TMC2: variants seen among roughly 807,000 people sequenced by gnomAD.
TMC2 encodes transmembrane channel-like protein 2.
Under a neutral mutation model 105.9 loss-of-function variants are expected in TMC2, and 102 were observed. That is an observed-to-expected ratio of 0.96 (90% CI 0.82 to 1.14). The LOEUF is 1.14. Among genes scored for constraint, TMC2 ranks in the 50% most tolerant of loss-of-function variants. TMC2 has a pLI of 0.00. For synonymous variants in TMC2, 402 were observed against 422.8 expected (o/e 0.95, Z 0.60); for missense variants, 1,093 against 1,134.3 (o/e 0.96, Z 0.52).
chr20:2,636,131 C>A, intron 18 of TMC2, 127 bp downstream of exon 18: 1 of 729,326 alleles, frequency 1.4e-6, no homozygotes, highest in Non-Finnish European at 2.4e-6. Flanking sequence ...CCCAAAATAT[C>A]TGTATTATGG....
At chr20:2,572,349 C>A in intron 5 of TMC2, 80 bp downstream of exon 5, 1 of 1,094,298 alleles carries the variant, frequency 9.1e-7, no homozygotes, top group Admixed American at 1.9e-5. Flanking sequence ...GGCAACTGCC[C>A]AGCTTCGCCA....
At chr20:2,565,896 C>T (rs955134776) in intron 4 of TMC2, among the ~76,000 whole-genome samples, 11 of 152,010 alleles carry the variant, frequency 7.2e-5, no homozygotes, top group South Asian at 4.2e-4. Context: ...AAAAGTTAGC[C>T]GGGCGTGGTG....
At chr20:2,591,777 A>G (rs1301337607) in intron 7 of TMC2, among the ~76,000 whole-genome samples, 1 of 152,098 alleles carries the variant, frequency 6.6e-6, no homozygotes, top group African/African-American at 2.4e-5. Flanking sequence ...AAAAGAAAAG[A>G]AACGCTCTTC....
chr20:2,579,883 A>G (rs1326966594), intron 6 of TMC2, 67 bp from the exon 7 acceptor site: 8 of 945,000 alleles, frequency 8.5e-6, no homozygotes, highest in Admixed American at 3.8e-5. Context: ...CCACACACAT[A>G]AAGTGCTCAA....
At chr20:2,574,900 A>ATT (rs2086132741) in intron 5 of TMC2, among the ~76,000 whole-genome samples, 1 of 151,526 alleles carries the variant, frequency 6.6e-6, no homozygotes, top group Non-Finnish European at 1.5e-5. Flanking sequence ...TAATTTTTGT[A>ATT]TTTTTAGTAG....
chr20:2,625,052 TA>T (rs2146258599), intron 17 of TMC2, among the ~76,000 whole-genome samples: 1 of 152,280 alleles, frequency 6.6e-6, no homozygotes, highest in Non-Finnish European at 1.5e-5. Context: ...GGTGCCAGCC[TA>T]ATGCCTAGAG....
intron 12 of TMC2, among the ~76,000 whole-genome samples, chr20:2,610,853 T>C (rs1322804358): frequency 2.0e-5 from 3 of 152,214 alleles, no homozygotes; most frequent in Non-Finnish European, 4.4e-5. Flanking sequence ...GATACCTTAA[T>C]ATTTTATCTT....
At position 2,577,806 on chromosome 20, in the gene TMC2, G is replaced by T. The variant is rs530453085; in HGVS notation, c.646-1340G>T. On this transcript the variant is annotated intron_variant, in intron 5 of 19. Transcript: ENST00000358864. The stretch of plus-strand genomic sequence containing the variant: ...GCTACTCAGGAGGCTGAGGCAGGAA[G>T]ATCACTTGAGCCCAGGAGGTCAAGG... Among the ~76,000 whole-genome samples, 197 of 151,296 alleles carry T rather than the reference G, an allele frequency of 1.3e-3. 1 individual carries two copies. The highest frequency in any genetic ancestry group is 4.6e-3 in the African/African-American group (189 of 41,214).
Position 2,596,320 on chromosome 20 carries a change from T to C in TMC2, c.1077-831T>C, listed in dbSNP as rs144598981. 2.8e-4 allele frequency among the ~76,000 whole-genome samples: 43 copies of C among 152,272 alleles called. 2 individuals carry two copies. The highest frequency in any genetic ancestry group is 2.7e-3 in the Admixed American group (42 of 15,290). On this transcript the variant is annotated intron_variant, in intron 9 of 19. Coordinates refer to ENST00000358864, the MANE Select transcript of TMC2 (RefSeq NM_080751.3). ...TTGTATTAGGACGGTGCAAAAGTAA[T>C]TGATGGTTTTGCAATTAAAAGTAGT...
Position 2,579,131 on chromosome 20 carries a change from CG to C in TMC2, c.646-14del, listed in dbSNP as rs1184932042. 1 of 1,428,330 alleles carries C rather than the reference CG, an allele frequency of 7.0e-7. No individual in the cohort carries two copies. The highest frequency in any genetic ancestry group is 1.7e-5 in the Admixed American group (1 of 59,632). The allele number at this position is 1,428,330 out of a possible 1,614,324, so 88.5% of individuals were successfully genotyped here. The stretch of plus-strand genomic sequence containing the variant: ...ACATGTTAAGGAACTGAGAGTTTTA[CG>C]TCTTTTATTTCAGAAATGGGTCAAA... On this transcript the variant is annotated splice_polypyrimidine_tract_variant and intron_variant, in intron 5 of 19. Transcript: ENST00000358864.
intron 8 of TMC2, 105 bp from the exon 9 acceptor site, chr20:2,594,719 AT>A: frequency 8.0e-7 from 1 of 1,247,006 alleles, no homozygotes; most frequent in Non-Finnish European, 1.1e-6. Context: ...CGGCCCTTAG[AT>A]TCGGTTAAGA....
In TMC2 at chr20:2,548,393, C is replaced by T. The variant is rs186644714; in HGVS notation, c.83-10063C>T. Among the ~76,000 whole-genome samples the T allele has an allele frequency of 7.9e-5, 12 of 152,278 alleles. No individual in the cohort carries two copies. In the East Asian group the frequency reaches 1.7e-3, roughly 22 times the overall value. On this transcript the variant is annotated intron_variant, in intron 2 of 19. Coordinates refer to ENST00000358864, the MANE Select transcript of TMC2 (RefSeq NM_080751.3). Reference sequence around the variant, plus strand: ...GTGGCTCATGCCTCTAATCCCAGCACTTTGGGAGGCCAAGGCAGGCGGATC... The same window carrying T: ...GTGGCTCATGCCTCTAATCCCAGCATTTTGGGAGGCCAAGGCAGGCGGATC...
intron 10 of TMC2, among the ~76,000 whole-genome samples, chr20:2,597,607 C>G (rs1216874754): frequency 6.6e-6 from 1 of 152,154 alleles, no homozygotes; most frequent in African/African-American, 2.4e-5. Flanking sequence ...CCTGCCTCAG[C>G]CTCCCGAGTA....
rs1384693906 is a variant in TMC2, at chr20:2,637,582, A to G, written c.2494A>G (p.Thr832Ala). Residue 832 changes from threonine to alanine, a missense_variant, in exon 19 of 20, where the codon ACC becomes GCC. By Grantham distance (58) the Thr-to-Ala change is moderately conservative (BLOSUM62 0). Coordinates refer to ENST00000358864, the MANE Select transcript of TMC2 (RefSeq NM_080751.3). ...CAAAAATGCCACCCAGCTCCAACTCACCAAGGAAGGTAAGCTCTTTGTCAT... is the reference window on the plus strand; with the variant it reads ...CAAAAATGCCACCCAGCTCCAACTCGCCAAGGAAGGTAAGCTCTTTGTCAT... The part of the protein sequence containing the change: ...SSKNATQLQL[T>A]KEETTPPSAS... The G allele has an allele frequency of 1.9e-6, 3 of 1,608,774 alleles. No individual in the cohort carries two copies. The African/African-American group carries it at 4.0e-5, about 22-fold the overall frequency.
chr20:2,550,845 A>G (rs1204575088), intron 2 of TMC2, among the ~76,000 whole-genome samples: 1 of 152,114 alleles, frequency 6.6e-6, no homozygotes, highest in African/African-American at 2.4e-5. Context: ...GTAATATTCC[A>G]TTGTATTTAT....
At chr20:2,615,047 G>T (rs1409222472) in intron 14 of TMC2, among the ~76,000 whole-genome samples, 1 of 152,044 alleles carries the variant, frequency 6.6e-6, no homozygotes, top group African/African-American at 2.4e-5. Flanking sequence ...CTGGGTGGGG[G>T]TGCGGTGGCT....
chr20:2,617,613 T>C lies in TMC2; in HGVS notation c.2180+302T>C, dbSNP rs1016206131. 1.0e-5 allele frequency: 4 copies of C among 397,266 alleles called. No individual in the cohort carries two copies. The South Asian group carries it at 1.1e-4, about 11-fold the overall frequency. 24.6% of individuals were successfully genotyped at this position (397,266 alleles called of 1,614,324 possible). ...CATTTATTTATTAATTTTTAACTGA[T>C]AGTTGTACATATTTGGGGGTACATG... On this transcript the variant is annotated intron_variant, in intron 16 of 19. Transcript: ENST00000358864.
chr20:2,579,120 T>C (rs756661183), intron 5 of TMC2, 26 bp from the exon 6 acceptor site: 2 of 1,323,870 alleles, frequency 1.5e-6, no homozygotes, highest in East Asian at 2.3e-5. Context: ...GTTAAGGAAC[T>C]GAGAGTTTTA....
intron 11 of TMC2, among the ~76,000 whole-genome samples, chr20:2,610,085 A>G (rs1388594917): frequency 6.6e-6 from 1 of 152,152 alleles, no homozygotes; most frequent in Non-Finnish European, 1.5e-5. Flanking sequence ...TCCTGACCTC[A>G]TGATCTGCCT....
Sources: allele counts gnomAD v4.1 joint callset (sites outside exome capture counted in the v4.1 genomes callset), GRCh38; gene constraint gnomAD v4.1.1; transcripts MANE v1.5; gene names NCBI Gene and HGNC (gene_info 2026-07-23, HGNC 2026-07-21).